PITHD1: variants seen among roughly 807,000 people sequenced by gnomAD.
PITHD1 encodes the protein PITH domain containing 1, also known as PITH domain-containing protein 1.
PITHD1 carries 8 observed loss-of-function variants against 27.5 expected under a neutral mutation model. The ratio of observed to expected loss-of-function variants is 0.29; its 90% CI spans 0.17 to 0.52. PITHD1 has a LOEUF of 0.52. Among genes scored for constraint, PITHD1 ranks in the 20% least tolerant of loss-of-function variants. PITHD1 has a pLI of 0.96. For synonymous variants in PITHD1, 118 were observed against 106.8 expected (o/e 1.10, Z -0.64); for missense variants, 233 against 283.9 (o/e 0.82, Z 1.29).
chr1:23,786,323 GT>G lies in PITHD1; in HGVS notation c.439del (p.Ser147GlnfsTer26). ...TTCCTGTCATCCTCTAGAATTTCTC[GT>G]TTTTCAAATGTCTATCATCTCTCAA... is the stretch of plus-strand genomic sequence containing the variant. ...GELEYATKIS[R>X]FSNVYHLSIH... is the part of the protein sequence containing the mutation. On this transcript the variant is annotated frameshift_variant, in exon 5 of 6. Transcript: ENST00000246151. LOFTEE classifies it high-confidence loss of function. 1 of 1,536,654 alleles carries G rather than the reference GT, an allele frequency of 6.5e-7. No individual in the cohort carries two copies. The highest frequency in any genetic ancestry group is 9.0e-7 in the Non-Finnish European group (1 of 1,112,790).
chr1:23,784,246 T>G (rs1035019614), intron 3 of PITHD1, among the ~76,000 whole-genome samples: 2 of 140,178 alleles, frequency 1.4e-5, no homozygotes, highest in African/African-American at 5.3e-5. Flanking sequence ...TTTTTTTTTT[T>G]TTTTTTTTTT....
rs1238807761 is a variant in PITHD1 at position 23,778,457 on chromosome 1, A to T, written c.-59A>T. The T allele has an allele frequency of 3.3e-6, 4 of 1,227,154 alleles. No individual in the cohort carries two copies. The Admixed American group carries it at 1.7e-4, about 52-fold the overall frequency. 76.0% of individuals were successfully genotyped at this position (1,227,154 alleles called of 1,614,324 possible). A position where few individuals can be genotyped will look rare whatever the true frequency, so the allele number is the denominator to read the frequency against. ...AACGGCGCGGAGCTGGTCTGAGGCGAGCCGAGCCGAGCGAGCGCGGCGGTG... is the reference window on the plus strand; with the variant it reads ...AACGGCGCGGAGCTGGTCTGAGGCGTGCCGAGCCGAGCGAGCGCGGCGGTG... On this transcript the variant is annotated 5_prime_UTR_variant, in exon 1 of 6. Coordinates refer to ENST00000246151, the MANE Select transcript of PITHD1 (RefSeq NM_020362.5).
chr1:23,781,180 T>G (rs565990918), intron 3 of PITHD1, among the ~76,000 whole-genome samples: 3 of 151,554 alleles, frequency 2.0e-5, no homozygotes, highest in African/African-American at 7.3e-5. Flanking sequence ...AGAGCAAGAC[T>G]CCATCTCAAA....
chr1:23,786,478 G>C, intron 5 of PITHD1, 55 bp downstream of exon 5: 1 of 678,218 alleles, frequency 1.5e-6, no homozygotes, highest in Non-Finnish European at 2.5e-6. Context: ...GCACACTGTG[G>C]TGATGGGAGC....
intron 5 of PITHD1, 59 bp downstream of exon 5, chr1:23,786,482 T>C: frequency 1.5e-6 from 1 of 669,680 alleles, no homozygotes; most frequent in South Asian, 2.6e-5. Flanking sequence ...ACTGTGGTGA[T>C]GGGAGCTTCC....
In PITHD1 at chr1:23,788,055, A is replaced by C. The variant is rs1638711503; in HGVS notation, c.*679A>C. 1 of 152,158 alleles carries C rather than the reference A, an allele frequency of 6.6e-6. No homozygotes were observed. The highest frequency in any genetic ancestry group is 1.5e-5 in the Non-Finnish European group (1 of 68,048). The allele number at this position is 152,158 out of a possible 1,614,324, so 9.4% of individuals were successfully genotyped here. A position where few individuals can be genotyped will look rare whatever the true frequency, so the allele number is the denominator to read the frequency against. On this transcript the variant is annotated 3_prime_UTR_variant, in exon 6 of 6. Coordinates refer to ENST00000246151, the MANE Select transcript of PITHD1 (RefSeq NM_020362.5). ...GGGGATCATTTCTATGTGTGTGGGT[A>C]ATCTGGTCAGTAAGATTGAGACTTA...
rs1173941930 is a variant in PITHD1, at chr1:23,778,521, G to C, written c.6G>C (p.Ser2=). The change falls in exon 1 of 6, where the codon TCG becomes TCC. Residue 2 remains serine, a synonymous_variant. Coordinates refer to ENST00000246151, the MANE Select transcript of PITHD1 (RefSeq NM_020362.5). The part of the protein sequence containing the change: M[S]HGHSHGGGGC... ...GCGCAGGTGGCGGCGTTGCCATGTC[G>C]CACGGTCACAGCCACGGCGGGGGTG... 5 of 1,348,608 alleles carry C rather than the reference G, an allele frequency of 3.7e-6. No individual in the cohort carries two copies. The highest frequency in any genetic ancestry group is 4.7e-6 in the Non-Finnish European group (5 of 1,057,024). 83.5% of individuals were successfully genotyped at this position (1,348,608 alleles called of 1,614,324 possible). A position where few individuals can be genotyped will look rare whatever the true frequency, so the allele number is the denominator to read the frequency against.
At chr1:23,782,173 C>G (rs886942015) in intron 3 of PITHD1, among the ~76,000 whole-genome samples, 1 of 152,176 alleles carries the variant, frequency 6.6e-6, no homozygotes. Flanking sequence ...AATCCCAGCA[C>G]TTTGGGAAGC....
chr1:23,780,167 A>G (rs188450551), intron 3 of PITHD1, among the ~76,000 whole-genome samples: 6 of 152,348 alleles, frequency 3.9e-5, no homozygotes, highest in South Asian at 2.1e-4. Context: ...TCATATTTCA[A>G]AGTGCTTACT....
chr1:23,780,867 C>G (rs879889836), intron 3 of PITHD1, among the ~76,000 whole-genome samples: 12 of 146,236 alleles, frequency 8.2e-5, no homozygotes, highest in Admixed American at 3.4e-4. Context: ...AGAATGAGAC[C>G]CCATCTCAAA....
Position 23,787,610 on chromosome 1 carries a change from T to C in PITHD1, c.*234T>C. 1 of 319,244 alleles carries C rather than the reference T, an allele frequency of 3.1e-6. No individual in the cohort carries two copies. Among genetic ancestry groups the C allele is most frequent in the Non-Finnish European group, 5.8e-6 (1 of 173,558 alleles). 19.8% of individuals were successfully genotyped at this position (319,244 alleles called of 1,614,324 possible). Reference sequence around the variant, plus strand: ...TCTAGGGCGCTGTGGAAATTGGGTCTTGGGCTGGGTGGCATCTGGCAGTCA... The same window carrying C: ...TCTAGGGCGCTGTGGAAATTGGGTCCTGGGCTGGGTGGCATCTGGCAGTCA... On this transcript the variant is annotated 3_prime_UTR_variant, in exon 6 of 6. Transcript: ENST00000246151.
At chr1:23,780,924 G>A (rs1638587303) in intron 3 of PITHD1, among the ~76,000 whole-genome samples, 1 of 151,852 alleles carries the variant, frequency 6.6e-6, no homozygotes, top group African/African-American at 2.4e-5. Context: ...CCTAAAGGCC[G>A]AGCATGGTGG....
At chr1:23,787,132 G>C (rs1375736412) in intron 5 of PITHD1, 143 bp from the exon 6 acceptor site, 1 of 533,238 alleles carries the variant, frequency 1.9e-6, no homozygotes, top group Non-Finnish European at 3.4e-6. Context: ...GATATTAGAT[G>C]ATGACATCTA....
chr1:23,778,759 G>A, intron 1 of PITHD1, 46 bp downstream of exon 1: 1 of 1,106,764 alleles, frequency 9.0e-7, no homozygotes, highest in Non-Finnish European at 1.2e-6. Context: ...GTGCGTGTGG[G>A]GCCTCGGGCC....
rs879812010 is a variant in PITHD1 at position 23,778,582 on chromosome 1, G to A, written c.67G>A (p.Glu23Lys). ...CGCCGCCGAACGGGAGGAGCCGCCC[G>A]AGCAGCGCGGCCTGGCCTACGGCCT... ...RCAAEREEPP[E>K]QRGLAYGLYL... is the part of the protein sequence containing the mutation. Residue 23 changes from glutamate to lysine, a missense_variant, in exon 1 of 6, where the codon GAG (glutamate) becomes AAG (lysine). Coordinates refer to ENST00000246151, the MANE Select transcript of PITHD1 (RefSeq NM_020362.5). The A allele has an allele frequency of 1.8e-5, 24 of 1,341,098 alleles. No individual in the cohort carries two copies. The highest frequency in any genetic ancestry group is 2.3e-5 in the Non-Finnish European group (24 of 1,049,304). 83.1% of individuals were successfully genotyped at this position (1,341,098 alleles called of 1,614,324 possible). A position where few individuals can be genotyped will look rare whatever the true frequency, so the allele number is the denominator to read the frequency against.
intron 1 of PITHD1, 50 bp from the exon 2 acceptor site, chr1:23,779,388 T>C: frequency 1.4e-6 from 2 of 1,449,754 alleles, no homozygotes; most frequent in Non-Finnish European, 9.7e-7. Flanking sequence ...AATTGTAGGC[T>C]CTCAGCAAAT....
intron 3 of PITHD1, among the ~76,000 whole-genome samples, chr1:23,783,348 CATATATACGCATAT>C (rs1366871383): frequency 4.7e-5 from 7 of 147,986 alleles, no homozygotes; most frequent in African/African-American, 1.2e-4. Context: ...TGTATATATA[CATATATACGCATAT>C]ATATATACAC....
At position 23,787,354 on chromosome 1, in the gene PITHD1, C is replaced by G. The variant is rs755709753; in HGVS notation, c.614C>G (p.Pro205Arg). The G allele has an allele frequency of 1.2e-6, 2 of 1,605,884 alleles. No individual in the cohort carries two copies. The highest frequency in any genetic ancestry group is 2.2e-5 in the South Asian group (2 of 90,670). Residue 205 changes from proline to arginine, a missense_variant, in exon 6 of 6, where the codon CCA (proline) becomes CGA (arginine). Physicochemically the swap from Pro to Arg is moderately radical, Grantham distance 103. Coordinates refer to ENST00000246151, the MANE Select transcript of PITHD1 (RefSeq NM_020362.5). ...PADHRVHQVT[P>R]QTHFIS ...GACCATAGGGTCCATCAGGTTACCC[C>G]ACAGACACACTTTATTTCCTAAGGG... is the stretch of plus-strand genomic sequence containing the variant.
chr1:23,779,573 T>G, intron 2 of PITHD1, 92 bp downstream of exon 2: 1 of 1,004,286 alleles, frequency 1.0e-6, no homozygotes, highest in African/African-American at 1.6e-5. Flanking sequence ...AGCACACATT[T>G]GCTTCTAGAA....
Sources: allele counts gnomAD v4.1 joint callset (sites outside exome capture counted in the v4.1 genomes callset), GRCh38; gene constraint gnomAD v4.1.1; transcripts MANE v1.5; gene names NCBI Gene and HGNC (gene_info 2026-07-23, HGNC 2026-07-21).